The following ZCCHC7 variants were observed in gnomAD, a reference collection of about 807,000 sequenced individuals.
ZCCHC7 encodes the protein zinc finger CCHC domain-containing protein 7.
ZCCHC7 carries 35 observed loss-of-function variants against 52.0 expected under a neutral mutation model. The ratio of observed to expected loss-of-function variants is 0.67; its 90% CI spans 0.51 to 0.89. The LOEUF (loss-of-function observed/expected upper bound fraction) is 0.89, where lower values mean the gene tolerates loss of function less well. Ranked by LOEUF, ZCCHC7 falls within the 40% of genes least tolerant of loss-of-function variation. The pLI is 0.00. For synonymous variants in ZCCHC7, 217 were observed against 221.5 expected, an observed-to-expected ratio of 0.98 and a Z score of 0.18; for missense variants, 574 against 649.1, an observed-to-expected ratio of 0.88 and a Z score of 1.26.
intron 8 of ZCCHC7, among the ~76,000 whole-genome samples, 158 bp from the exon 9 acceptor site, chr9:37,356,677 A>G (rs1008063463): frequency 5.3e-5 from 8 of 152,196 alleles, no homozygotes; most frequent in Non-Finnish European, 1.2e-4. Context: ...GCAATCAGAA[A>G]CTTGGAGCTA....
chr9:37,234,804 C>T (rs554145263), intron 2 of ZCCHC7, among the ~76,000 whole-genome samples: 1 of 152,218 alleles, frequency 6.6e-6, no homozygotes, highest in Admixed American at 6.5e-5. Context: ...TTTGTCCTTT[C>T]AGCTTTTCAT....
intron 7 of ZCCHC7, among the ~76,000 whole-genome samples, chr9:37,352,599 A>G (rs1269714571): frequency 7.1e-6 from 1 of 141,712 alleles, no homozygotes; most frequent in Non-Finnish European, 1.5e-5. Context: ...GCTCACTGCA[A>G]CCTCCACCTC....
intron 1 of ZCCHC7, among the ~76,000 whole-genome samples, chr9:37,121,833 G>C (rs1368917451): frequency 2.0e-5 from 3 of 152,132 alleles, no homozygotes; most frequent in Non-Finnish European, 2.9e-5. Flanking sequence ...GAAATACTGT[G>C]CTCTGTTTGT....
intron 2 of ZCCHC7, among the ~76,000 whole-genome samples, chr9:37,236,541 G>A (rs1006847518): frequency 2.0e-4 from 30 of 151,928 alleles, no homozygotes; most frequent in Non-Finnish European, 4.0e-4. Context: ...ACAGGCGCCC[G>A]CCACCACGCC....
At chr9:37,283,866 C>T (rs1476090422) in intron 2 of ZCCHC7, among the ~76,000 whole-genome samples, 2 of 151,904 alleles carry the variant, frequency 1.3e-5, no homozygotes, top group Non-Finnish European at 2.9e-5. Flanking sequence ...ATTCCACTGC[C>T]CTTTTTACTG....
At chr9:37,160,208 A>G (rs900298302) in intron 2 of ZCCHC7, 1 of 152,162 alleles carries the variant, frequency 6.6e-6, no homozygotes, top group African/African-American at 2.4e-5. Context: ...TTCCATCTCC[A>G]TTCCCACTTC....
intron 2 of ZCCHC7, among the ~76,000 whole-genome samples, chr9:37,227,040 A>AC (rs1471284380): frequency 5.3e-5 from 8 of 151,968 alleles, no homozygotes; most frequent in African/African-American, 1.9e-4. Context: ...AAAAAAAAAA[A>AC]AAAAAACCAG....
At chr9:37,256,420 C>T (rs1205099693) in intron 2 of ZCCHC7, among the ~76,000 whole-genome samples, 1 of 152,096 alleles carries the variant, frequency 6.6e-6, no homozygotes, top group Non-Finnish European at 1.5e-5. Context: ...GACATTTCCA[C>T]TGATGATAAG....
At chr9:37,219,072 A>G (rs1170462883) in intron 2 of ZCCHC7, among the ~76,000 whole-genome samples, 2 of 152,120 alleles carry the variant, frequency 1.3e-5, no homozygotes, top group African/African-American at 4.8e-5. Flanking sequence ...CCCCTAAAAA[A>G]GAAAAAAGAT....
In ZCCHC7 at chr9:37,352,511, C is replaced by CTTTTTTT. The variant is rs869266535; in HGVS notation, c.1084-2181_1084-2175dup. ...TACCTTTGCATAATCACAATTTGCT[C>CTTTTTTT]TTTTTTTTTTTTTTTTTTTTTTTTG... On this transcript the variant is annotated intron_variant, in intron 7 of 8. Coordinates refer to ENST00000336755, the MANE Select transcript of ZCCHC7 (RefSeq NM_032226.3). 4.7e-4 allele frequency among the ~76,000 whole-genome samples: 38 copies of CTTTTTTT among 81,576 alleles called. 4 individuals carry two copies. The highest frequency in any genetic ancestry group is 1.6e-3 in the African/African-American group (29 of 17,970). 53.5% of individuals were successfully genotyped at this position (81,576 alleles called of 152,430 possible).
intron 2 of ZCCHC7, among the ~76,000 whole-genome samples, chr9:37,234,741 T>C (rs995167495): frequency 6.6e-6 from 1 of 152,178 alleles, no homozygotes; most frequent in African/African-American, 2.4e-5. Flanking sequence ...AAAATTAAAA[T>C]AATTTTAAAT....
At chr9:37,120,693 C>G (rs1842268364) in intron 1 of ZCCHC7, 70 bp downstream of exon 1, 1 of 374,856 alleles carries the variant, frequency 2.7e-6, no homozygotes, top group African/African-American at 2.1e-5. Flanking sequence ...TTCTTGCCCG[C>G]CGGGCTGTGG....
At chr9:37,338,363 ATTACT>A (rs1324522108) in intron 6 of ZCCHC7, among the ~76,000 whole-genome samples, 2 of 152,178 alleles carry the variant, frequency 1.3e-5, no homozygotes, top group Non-Finnish European at 2.9e-5. Flanking sequence ...ATCTATTTAC[ATTACT>A]TTAATGTAGT....
chr9:37,149,042 G>A (rs1045103615), intron 2 of ZCCHC7, among the ~76,000 whole-genome samples: 60 of 152,084 alleles, frequency 3.9e-4, no homozygotes, highest in Admixed American at 3.9e-3. Context: ...AACTAGACCC[G>A]TTAAAGTGGT....
intron 2 of ZCCHC7, among the ~76,000 whole-genome samples, chr9:37,235,730 C>T (rs1384037588): frequency 6.6e-6 from 1 of 151,864 alleles, no homozygotes; most frequent in African/African-American, 2.4e-5. Context: ...GCTGGGATTA[C>T]AGGCACACAC....
intron 2 of ZCCHC7, among the ~76,000 whole-genome samples, chr9:37,184,070 G>A (rs948799309): frequency 7.9e-5 from 12 of 152,182 alleles, no homozygotes; most frequent in Admixed American, 1.3e-4. Context: ...TCTAGCCACA[G>A]GAAGAGATAC....
At chr9:37,263,418 T>C (rs1442454344) in intron 2 of ZCCHC7, among the ~76,000 whole-genome samples, 1 of 152,168 alleles carries the variant, frequency 6.6e-6, no homozygotes, top group African/African-American at 2.4e-5. Flanking sequence ...TTCCCATTTA[T>C]ATTTGTACCT....
intron 2 of ZCCHC7, among the ~76,000 whole-genome samples, chr9:37,192,567 G>A (rs1823072614): frequency 6.6e-6 from 1 of 152,176 alleles, no homozygotes; most frequent in Non-Finnish European, 1.5e-5. Flanking sequence ...AAAAGGACCA[G>A]AAGAAATATC....
chr9:37,280,670 TTAAAAATTCA>T (rs1827912318), intron 2 of ZCCHC7, among the ~76,000 whole-genome samples: 1 of 152,134 alleles, frequency 6.6e-6, no homozygotes, highest in Non-Finnish European at 1.5e-5. Flanking sequence ...TACTACTAAA[TTAAAAATTCA>T]TTAAACTTTT....
Sources: allele counts gnomAD v4.1 joint callset (sites outside exome capture counted in the v4.1 genomes callset), GRCh38; gene constraint gnomAD v4.1.1; transcripts MANE v1.5; gene names NCBI Gene and HGNC (gene_info 2026-07-23, HGNC 2026-07-21).